WDR4: variants seen among roughly 807,000 people sequenced by gnomAD.
WDR4 encodes WDR4 tRNA N7-guanosine methyltransferase non-catalytic subunit, also known as tRNA (guanine-N(7)-)-methyltransferase non-catalytic subunit WDR4.
In WDR4, 47 loss-of-function variants were observed where a neutral mutation model predicts 48.6. That is an observed-to-expected ratio of 0.97 (90% confidence interval 0.77 to 1.23). The LOEUF is 1.23. Ranked by LOEUF, WDR4 falls within the 50% of genes most tolerant of loss-of-function variation. The pLI, the probability that WDR4 is intolerant of heterozygous loss-of-function variation, is 0.00. For missense variants in WDR4, 606 were observed against 551.6 expected, an observed-to-expected ratio of 1.10 and a Z score of -0.99; for synonymous variants, 268 against 230.0, an observed-to-expected ratio of 1.17 and a Z score of -1.49.
intron 6 of WDR4, 126 bp downstream of exon 6, chr21:42,859,536 T>C: frequency 1.4e-6 from 1 of 707,406 alleles, no homozygotes; most frequent in Non-Finnish European, 2.3e-6. Flanking sequence ...AGCTCTAAGA[T>C]CTAGTGGACA....
chr21:42,853,707 CTGCTGTCTGCGGGCGTCCAGCTGGAAGA>C lies in WDR4; in HGVS notation c.809_836del (p.Ile270SerfsTer55). The C allele has an allele frequency of 6.4e-7, 1 of 1,570,696 alleles. No homozygotes were observed. On this transcript the variant is annotated frameshift_variant, in exon 9 of 11. Coordinates refer to ENST00000398208, the MANE Select transcript of WDR4 (RefSeq NM_018669.6). LOFTEE classifies it high-confidence loss of function. ...ACGCCAGCTGCTGCCTGTACACCAACTGCTGTCTGCGGGCGTCCAGCTGGAAGATGTAGACCACAGGAGTGCTTGCCAC... is the reference window on the plus strand; with the variant it reads ...ACGCCAGCTGCTGCCTGTACACCAACTGTAGACCACAGGAGTGCTTGCCAC...
rs1444294549 is a variant in WDR4 at position 42,873,532 on chromosome 21, C to T, written c.296+19G>A. 2.5e-6 allele frequency: 4 copies of T among 1,613,144 alleles called. No individual in the cohort carries two copies. The highest frequency in any genetic ancestry group is 3.4e-6 in the Non-Finnish European group (4 of 1,179,422). On this transcript the variant is annotated intron_variant, in intron 3 of 10. Transcript: ENST00000398208. ...GTGTGCATTCGACATCTTAAGAATC[C>T]AGCGTTAGCATCTCATACCTGACAC...
At position 42,879,518 on chromosome 21, in the gene WDR4, T is replaced by C; in HGVS notation, c.-23A>G. 2 of 1,611,958 alleles carry C rather than the reference T, an allele frequency of 1.2e-6. No homozygotes were observed. The highest frequency in any genetic ancestry group is 1.3e-5 in the African/African-American group (1 of 74,882). ...CATGTACCCGCCCGCCTCACCGCCA[T>C]ACACATGTGCCAGCCCAGAGCCTCT... On this transcript the variant is annotated 5_prime_UTR_variant, in exon 1 of 11. It removes an upstream start codon present in the reference 5' UTR. Transcript: ENST00000398208.
intron 3 of WDR4, among the ~76,000 whole-genome samples, chr21:42,867,738 T>C (rs2058281305): frequency 6.6e-6 from 1 of 152,082 alleles, no homozygotes; most frequent in Non-Finnish European, 1.5e-5. Context: ...GCTTTTTTTT[T>C]TCTTTGTAGA....
At chr21:42,891,327 CAAA>C in the WDR4 span, among the ~76,000 whole-genome samples, 2 of 123,790 alleles carry the variant, frequency 1.6e-5, no homozygotes. Context: ...GATTCTGTCT[CAAA>C]AAAAAAAAAA....
Position 42,853,671 on chromosome 21 carries a change from T to C in WDR4, c.873A>G (p.Gln291=), listed in dbSNP as rs1245631531. The C allele has an allele frequency of 3.1e-6, 5 of 1,591,594 alleles. No individual in the cohort carries two copies. The highest frequency in any genetic ancestry group is 3.4e-6 in the Non-Finnish European group (4 of 1,170,252). The part of the protein sequence containing the change: ...VYRQQLAFQH[Q]VWDVAFEETQ... The stretch of plus-strand genomic sequence containing the variant: ...TCTCCTCGAAAGCCACGTCCCACAC[T>C]TGGTGCTGGAACGCCAGCTGCTGCC... The change falls in exon 9 of 11, where the codon CAA becomes CAG. Residue 291 remains glutamine (Q), a synonymous_variant. Transcript: ENST00000398208.
chr21:42,859,869 G>C, intron 5 of WDR4, 147 bp from the exon 6 acceptor site: 1 of 830,408 alleles, frequency 1.2e-6, no homozygotes, highest in Non-Finnish European at 1.9e-6. Flanking sequence ...ATGGGAAGTA[G>C]CTGTTAACCC....
At chr21:42,863,733 C>CA in intron 3 of WDR4, 137 bp from the exon 4 acceptor site, 3 of 971,580 alleles carry the variant, frequency 3.1e-6, no homozygotes, top group Non-Finnish European at 3.0e-6. Flanking sequence ...AAGGTGGTGC[C>CA]AAAAAAATTA....
In WDR4 at chr21:42,850,180, A is replaced by T. The variant is rs762041902; in HGVS notation, c.1108T>A (p.Ser370Thr). 1.2e-6 allele frequency: 2 copies of T among 1,613,756 alleles called. No individual in the cohort carries two copies. Among genetic ancestry groups the T allele is most frequent in the Admixed American group, 1.7e-5 (1 of 59,972 alleles). Reference protein sequence around the residue: ...LYKATFDNVTSYLKKKEERLQ... With the variant: ...LYKATFDNVTTYLKKKEERLQ... The stretch of plus-strand genomic sequence containing the variant: ...CTCTCCTCTTTCTTCTTCAGGTAGG[A>T]GGTCACGTTGTCGAACGTGGCCTTG... The change falls in exon 11 of 11, where the codon TCC (serine) becomes ACC (threonine). Residue 370 changes from serine (S) to threonine (T), a missense_variant. By Grantham distance (58) the Ser-to-Thr change is moderately conservative. Coordinates refer to ENST00000398208, the MANE Select transcript of WDR4 (RefSeq NM_018669.6).
chr21:42,872,010 G>A (rs1182585021), intron 3 of WDR4, among the ~76,000 whole-genome samples: 1 of 151,524 alleles, frequency 6.6e-6, no homozygotes, highest in Non-Finnish European at 1.5e-5. Context: ...TTGAGACGGG[G>A]TTTTGCTCTT....
intron 5 of WDR4, 50 bp from the exon 6 acceptor site, chr21:42,859,772 G>C: frequency 6.5e-7 from 1 of 1,544,608 alleles, no homozygotes; most frequent in Admixed American, 2.0e-5. Flanking sequence ...GCGCCCGCAG[G>C]GACCGGGAGG....
rs895393645 is a variant in WDR4, at chr21:42,855,598, G to A, written c.726+84C>T. 78 of 1,070,386 alleles carry A rather than the reference G, an allele frequency of 7.3e-5. 2 individuals carry two copies. Among genetic ancestry groups the A allele is most frequent in the East Asian group, 4.9e-4 (18 of 36,928 alleles). 66.3% of individuals were successfully genotyped at this position (1,070,386 alleles called of 1,614,324 possible). A position where few individuals can be genotyped will look rare whatever the true frequency, so the allele number is the denominator to read the frequency against. On this transcript the variant is annotated intron_variant, in intron 7 of 10. Coordinates refer to ENST00000398208, the MANE Select transcript of WDR4 (RefSeq NM_018669.6). ...GGCATTGAGAGCAAACGTTTCCAAC[G>A]GCGAAGTGACTTTTCCACTCAAGTC...
downstream of WDR4, among the ~76,000 whole-genome samples, chr21:42,848,220 G>A (rs1157123198): frequency 1.6e-4 from 25 of 152,190 alleles, no homozygotes; most frequent in Non-Finnish European, 1.5e-5. Flanking sequence ...TGGACAGCAG[G>A]TAGGAGCCGG....
chr21:42,873,029 T>C (rs1000536456), intron 3 of WDR4, among the ~76,000 whole-genome samples: 2 of 152,354 alleles, frequency 1.3e-5, no homozygotes, highest in East Asian at 1.9e-4. Flanking sequence ...TCTCCCGTTC[T>C]TGCCAGAGTT....
intron 3 of WDR4, among the ~76,000 whole-genome samples, chr21:42,869,892 A>G (rs914906654): frequency 6.6e-6 from 1 of 152,042 alleles, no homozygotes; most frequent in Non-Finnish European, 1.5e-5. Context: ...GCATGCCTGT[A>G]ATCCCAGCTA....
intron 9 of WDR4, 65 bp from the exon 10 acceptor site, chr21:42,852,389 G>C: frequency 6.4e-7 from 1 of 1,553,376 alleles, no homozygotes. Flanking sequence ...GCACCAGGAC[G>C]CAACACATGC....
At chr21:42,875,915 G>GTTTTTT (rs1569337249) in intron 2 of WDR4, among the ~76,000 whole-genome samples, 4 of 68,220 alleles carry the variant, frequency 5.9e-5, no homozygotes, top group South Asian at 4.2e-4. Context: ...CTAACACTGT[G>GTTTTTT]CTTTTTTTTT....
chr21:42,879,170 C>T (rs2058571023), intron 1 of WDR4: 4 of 1,331,530 alleles, frequency 3.0e-6, no homozygotes, highest in Middle Eastern at 2.9e-4. Context: ...CCATCTAGTG[C>T]AAGGAGCGCG....
chr21:42,855,621 G>A, intron 7 of WDR4, 61 bp downstream of exon 7: 2 of 1,313,360 alleles, frequency 1.5e-6, no homozygotes, highest in Non-Finnish European at 2.0e-6. Flanking sequence ...TTCCACTCAA[G>A]TCAGGCGACT....
Sources: allele counts gnomAD v4.1 joint callset (sites outside exome capture counted in the v4.1 genomes callset), GRCh38; gene constraint gnomAD v4.1.1; transcripts MANE v1.5; gene names NCBI Gene and HGNC (gene_info 2026-07-23, HGNC 2026-07-21).